Variants in PCDH9 observed in about 807,000 individuals in gnomAD.
PCDH9 encodes the protein protocadherin-9.
Under a neutral mutation model 70.6 loss-of-function variants are expected in PCDH9, and 24 were observed. The ratio of observed to expected loss-of-function variants is 0.34; its 90% CI spans 0.25 to 0.48. The LOEUF (loss-of-function observed/expected upper bound fraction) is 0.48. Ranked by LOEUF, PCDH9 falls within the 20% of genes least tolerant of loss-of-function variation. The pLI is 0.99. For missense variants in PCDH9, 1,281 were observed against 1,503.6 expected, an observed-to-expected ratio of 0.85 and a Z score of 2.45; for synonymous variants, 562 against 558.5, an observed-to-expected ratio of 1.01 and a Z score of -0.09.
intron 2 of PCDH9, among the ~76,000 whole-genome samples, chr13:67,193,431 T>C (rs750671450): frequency 1.8e-4 from 27 of 152,082 alleles, no homozygotes; most frequent in South Asian, 4.1e-4. Flanking sequence ...TTGCAGTCTT[T>C]TATCTATTTT....
chr13:66,768,371 C>T (rs1391067271), intron 3 of PCDH9, among the ~76,000 whole-genome samples: 1 of 151,922 alleles, frequency 6.6e-6, no homozygotes, highest in Non-Finnish European at 1.5e-5. Flanking sequence ...TTGAGGTAAT[C>T]CAGTTCTCAT....
At chr13:66,931,353 T>A (rs1342460261) in intron 2 of PCDH9, among the ~76,000 whole-genome samples, 1 of 152,026 alleles carries the variant, frequency 6.6e-6, no homozygotes, top group African/African-American at 2.4e-5. Context: ...ACAAACAATA[T>A]ATTAGGAATA....
At chr13:66,459,824 T>A (rs1958389624) in intron 4 of PCDH9, among the ~76,000 whole-genome samples, 1 of 151,990 alleles carries the variant, frequency 6.6e-6, no homozygotes, top group Non-Finnish European at 1.5e-5. Flanking sequence ...CTGGGCTTGC[T>A]TTTGAATACT....
intron 2 of PCDH9, among the ~76,000 whole-genome samples, chr13:67,198,918 A>T (rs182324821): frequency 4.7e-4 from 71 of 151,868 alleles, no homozygotes; most frequent in Non-Finnish European, 6.8e-4. Flanking sequence ...ATAATTTTTT[A>T]AAAAAAGAAT....
At chr13:67,090,461 T>C (rs2086195270) in intron 2 of PCDH9, among the ~76,000 whole-genome samples, 1 of 152,026 alleles carries the variant, frequency 6.6e-6, no homozygotes, top group South Asian at 2.1e-4. Flanking sequence ...AATCCTGTAT[T>C]GTACCTAAAA....
chr13:66,546,768 T>C (rs1961222695), intron 4 of PCDH9, among the ~76,000 whole-genome samples: 1 of 152,322 alleles, frequency 6.6e-6, no homozygotes, highest in African/African-American at 2.4e-5. Context: ...TTGTGGTGAG[T>C]GCTCTGTATA....
At chr13:66,959,158 G>A (rs2083306653) in intron 2 of PCDH9, among the ~76,000 whole-genome samples, 1 of 152,066 alleles carries the variant, frequency 6.6e-6, no homozygotes, top group Admixed American at 6.6e-5. Flanking sequence ...TTTTAAAAGA[G>A]CATGATAAAA....
At chr13:67,204,433 A>G (rs1364979444) in intron 2 of PCDH9, 1 of 152,160 alleles carries the variant, frequency 6.6e-6, no homozygotes, top group Non-Finnish European at 1.5e-5. Context: ...CAGAATTTTC[A>G]CTTCACTTGT....
chr13:66,352,018 T>C (rs557448242), intron 4 of PCDH9, among the ~76,000 whole-genome samples: 14 of 152,246 alleles, frequency 9.2e-5, no homozygotes, highest in African/African-American at 3.4e-4. Context: ...GTACTTTTAG[T>C]AGAGGCAGGG....
intron 2 of PCDH9, among the ~76,000 whole-genome samples, chr13:67,186,684 T>C (rs2088768296): frequency 6.6e-6 from 1 of 152,154 alleles, no homozygotes; most frequent in African/African-American, 2.4e-5. Flanking sequence ...ATCTGGATAA[T>C]AATATTACAT....
At chr13:66,347,934 T>A (rs1956236702) in intron 4 of PCDH9, among the ~76,000 whole-genome samples, 1 of 152,214 alleles carries the variant, frequency 6.6e-6, no homozygotes, top group South Asian at 2.1e-4. Context: ...ATTCCTTTAA[T>A]CATCACTTAC....
At chr13:67,093,017 C>A (rs955526197) in intron 2 of PCDH9, among the ~76,000 whole-genome samples, 1 of 152,008 alleles carries the variant, frequency 6.6e-6, no homozygotes, top group African/African-American at 2.4e-5. Context: ...CAGTTATCAC[C>A]CTGATAGGTT....
intron 4 of PCDH9, among the ~76,000 whole-genome samples, chr13:66,368,853 A>G (rs1223837058): frequency 1.3e-5 from 2 of 152,182 alleles, no homozygotes; most frequent in Non-Finnish European, 1.5e-5. Flanking sequence ...GAGCTTGTGC[A>G]GGGAAACTCT....
At chr13:66,486,144 A>G (rs568261861) in intron 4 of PCDH9, among the ~76,000 whole-genome samples, 3 of 152,312 alleles carry the variant, frequency 2.0e-5, no homozygotes, top group East Asian at 1.9e-4. Flanking sequence ...AGAGAAGACT[A>G]AAGAGTTTCA....
intron 2 of PCDH9, among the ~76,000 whole-genome samples, chr13:66,989,430 C>T (rs73505399): frequency 0.019 from 2,824 of 151,968 alleles, 84 homozygotes; most frequent in African/African-American, 0.065. Context: ...ATCTTTCCAA[C>T]GATTTGCTTC....
chr13:66,402,424 C>T (rs1039535882), intron 4 of PCDH9, among the ~76,000 whole-genome samples: 1 of 151,928 alleles, frequency 6.6e-6, no homozygotes, highest in Non-Finnish European at 1.5e-5. Context: ...TCCCTAATAT[C>T]TATCTTATTA....
intron 3 of PCDH9, among the ~76,000 whole-genome samples, chr13:66,742,467 G>A (rs1235793961): frequency 1.4e-5 from 2 of 144,692 alleles, no homozygotes; most frequent in Non-Finnish European, 3.0e-5. Context: ...CAAAAGCAAT[G>A]GCAACAAAAG....
At chr13:66,710,772 T>C (rs529141191) in intron 3 of PCDH9, among the ~76,000 whole-genome samples, 1 of 152,062 alleles carries the variant, frequency 6.6e-6, no homozygotes. Context: ...CCTTTTTCAT[T>C]TTTTTAAAGC....
intron 4 of PCDH9, among the ~76,000 whole-genome samples, chr13:66,543,024 AAATAT>A: frequency 6.6e-6 from 1 of 151,784 alleles, no homozygotes; most frequent in East Asian, 1.9e-4. Flanking sequence ...AGAAATATAC[AAATAT>A]AATAATAATG....
Sources: gnomAD v4.1 joint callset for allele counts (sites outside exome capture counted in the v4.1 genomes callset) on GRCh38, gnomAD v4.1.1 for gene constraint, MANE v1.5 for transcripts, NCBI Gene and HGNC (gene_info 2026-07-23, HGNC 2026-07-21) for gene names.